Variants in SHISA9 observed in about 807,000 individuals in gnomAD.
SHISA9 encodes shisa family member 9.
In SHISA9, 13 loss-of-function variants were observed where a neutral mutation model predicts 38.0. That is an observed-to-expected ratio of 0.34 (90% CI 0.22 to 0.54). The LOEUF (loss-of-function observed/expected upper bound fraction) is 0.54. Among genes scored for constraint, SHISA9 ranks in the 20% least tolerant of loss-of-function variants. The pLI, the probability that SHISA9 is intolerant of heterozygous loss-of-function variation, is 0.91. For synonymous variants in SHISA9, 275 were observed against 242.0 expected (o/e 1.14, Z -1.27); for missense variants, 538 against 575.8 (o/e 0.93, Z 0.67).
intron 2 of SHISA9, among the ~76,000 whole-genome samples, chr16:13,087,026 A>G (rs1596639114): frequency 7.8e-6 from 1 of 128,272 alleles, no homozygotes; most frequent in South Asian, 2.4e-4. Flanking sequence ...AAGTGATCTC[A>G]TTGTTCAATT....
chr16:13,245,353 T>C (rs1385583325), downstream of SHISA9, among the ~76,000 whole-genome samples: 2 of 152,198 alleles, frequency 1.3e-5, no homozygotes, highest in South Asian at 2.1e-4. Flanking sequence ...TGCAGGTGTG[T>C]GGGTCCCAGG....
At chr16:13,097,454 C>A (rs532951301) in intron 2 of SHISA9, among the ~76,000 whole-genome samples, 1 of 151,500 alleles carries the variant, frequency 6.6e-6, no homozygotes, top group South Asian at 2.1e-4. Context: ...TTTTGCTTTG[C>A]CCCTCAGGCT....
chr16:13,205,966 A>AT (rs1473038768), intron 3 of SHISA9, among the ~76,000 whole-genome samples: 1 of 148,160 alleles, frequency 6.7e-6, no homozygotes, highest in Non-Finnish European at 1.5e-5. Flanking sequence ...GGGTTTCTCC[A>AT]TGTTGCTCAG....
At chr16:13,280,721 T>C in the SHISA9 span, among the ~76,000 whole-genome samples, 1 of 151,800 alleles carries the variant, frequency 6.6e-6, no homozygotes, top group African/African-American at 2.4e-5. Context: ...AATGAGGTTG[T>C]ACCCTTTCCT....
chr16:13,297,998 C>A, the SHISA9 span, among the ~76,000 whole-genome samples: 1 of 152,170 alleles, frequency 6.6e-6, no homozygotes, highest in East Asian at 1.9e-4. Context: ...TCAGGTGATC[C>A]ACCCGCCTCG....
chr16:12,906,969 T>G (rs2071104767), intron 1 of SHISA9, among the ~76,000 whole-genome samples: 1 of 151,834 alleles, frequency 6.6e-6, no homozygotes, highest in Non-Finnish European at 1.5e-5. Context: ...TATTAGTATT[T>G]TGTCATAGTT....
At chr16:13,436,000 T>C in the SHISA9 span, among the ~76,000 whole-genome samples, 1 of 152,218 alleles carries the variant, frequency 6.6e-6, no homozygotes, top group Admixed American at 6.5e-5. Context: ...AAAGTCACTG[T>C]TGGGGCACCC....
intron 2 of SHISA9, among the ~76,000 whole-genome samples, chr16:12,951,213 T>A (rs2071750843): frequency 1.4e-5 from 1 of 71,480 alleles, no homozygotes; most frequent in Non-Finnish European, 2.3e-5. Flanking sequence ...AGAGCAAGAC[T>A]CCTTCTCCAA....
intron 2 of SHISA9, among the ~76,000 whole-genome samples, chr16:13,186,421 C>T (rs1245495502): frequency 1.3e-5 from 2 of 150,714 alleles, no homozygotes; most frequent in Non-Finnish European, 2.9e-5. Context: ...CCTCAGCCTC[C>T]TGAGTAGCTG....
chr16:13,185,465 A>G (rs764405015), intron 2 of SHISA9, among the ~76,000 whole-genome samples: 14 of 152,106 alleles, frequency 9.2e-5, no homozygotes, highest in African/African-American at 3.4e-4. Context: ...CAGCCTCCCA[A>G]AGTGCTACGA....
chr16:13,407,858 A>T, the SHISA9 span, among the ~76,000 whole-genome samples: 1 of 152,208 alleles, frequency 6.6e-6, no homozygotes, highest in African/African-American at 2.4e-5. Context: ...TAATTCAGTG[A>T]TGTTTGGTGC....
intron 2 of SHISA9, among the ~76,000 whole-genome samples, chr16:13,134,299 T>C (rs1446730080): frequency 1.3e-5 from 2 of 152,202 alleles, no homozygotes; most frequent in African/African-American, 4.8e-5. Flanking sequence ...GTAAAGCACA[T>C]AGCACAATGC....
At chr16:12,928,243 T>A (rs1031468638) in intron 2 of SHISA9, among the ~76,000 whole-genome samples, 1 of 152,140 alleles carries the variant, frequency 6.6e-6, no homozygotes, top group Non-Finnish European at 1.5e-5. Context: ...CTTTTCTTAA[T>A]GAATGAGTAT....
chr16:13,388,410 C>G, the SHISA9 span, among the ~76,000 whole-genome samples: 5 of 151,466 alleles, frequency 3.3e-5, no homozygotes, highest in Non-Finnish European at 7.4e-5. Flanking sequence ...CTCCCAAGTT[C>G]AAGCAATTCT....
chr16:12,993,346 A>G (rs1254301915), intron 2 of SHISA9, among the ~76,000 whole-genome samples: 1 of 152,098 alleles, frequency 6.6e-6, no homozygotes, highest in Non-Finnish European at 1.5e-5. Flanking sequence ...ACAGTAGTTA[A>G]TTGCATGGAC....
chr16:13,192,657 C>T (rs1054666886), intron 2 of SHISA9, among the ~76,000 whole-genome samples: 2 of 152,006 alleles, frequency 1.3e-5, no homozygotes, highest in African/African-American at 2.4e-5. Context: ...GGGTGGATCA[C>T]GAGGTCAGGA....
At chr16:13,490,817 C>G in the SHISA9 span, among the ~76,000 whole-genome samples, 71 of 152,296 alleles carry the variant, frequency 4.7e-4, no homozygotes, top group African/African-American at 1.6e-3. Flanking sequence ...TATTACATGT[C>G]AGAGAAACCA....
At chr16:13,200,448 AGCAG>A (rs1567245551) in intron 2 of SHISA9, among the ~76,000 whole-genome samples, 68 of 150,202 alleles carry the variant, frequency 4.5e-4, no homozygotes, top group African/African-American at 1.6e-3. Flanking sequence ...ACACAGCAGC[AGCAG>A]CAGCAGCAGC....
chr16:12,982,624 G>A (rs11862712), intron 2 of SHISA9, among the ~76,000 whole-genome samples: 2,342 of 152,212 alleles, frequency 0.015, 58 homozygotes, highest in African/African-American at 0.055. Flanking sequence ...GACTGGGTTC[G>A]TGAGACACCA....
Sources: gnomAD v4.1 joint callset for allele counts (sites outside exome capture counted in the v4.1 genomes callset) on GRCh38, gnomAD v4.1.1 for gene constraint, MANE v1.5 for transcripts, NCBI Gene and HGNC (gene_info 2026-07-23, HGNC 2026-07-21) for gene names.